PFKFB2: variants seen among roughly 807,000 people sequenced by gnomAD.
PFKFB2 encodes 6-phosphofructo-2-kinase/fructose-2,6-bisphosphatase 2.
PFKFB2 carries 53 observed loss-of-function variants against 68.0 expected under a neutral mutation model. That is an observed-to-expected ratio of 0.78 (90% CI 0.63 to 0.98). The LOEUF (loss-of-function observed/expected upper bound fraction) is 0.98, where lower values mean the gene tolerates loss of function less well. PFKFB2 is among the 50% of genes least tolerant of loss of function. PFKFB2 has a pLI of 0.00. For synonymous variants in PFKFB2, 222 were observed against 227.6 expected, an observed-to-expected ratio of 0.98 and a Z score of 0.22; for missense variants, 451 against 642.0, an observed-to-expected ratio of 0.70 and a Z score of 3.22.
Position 207,072,325 on chromosome 1 carries a change from C to T in PFKFB2, c.1472C>T (p.Pro491Leu). The T allele has an allele frequency of 6.2e-7, 1 of 1,614,160 alleles. No individual in the cohort carries two copies. The highest frequency in any genetic ancestry group is 8.5e-7 in the Non-Finnish European group (1 of 1,180,020). ...NYSVGSRPLK[P>L]LSPLRAQDMQ... ...AGTGTTGGGAGCCGGCCCCTCAAGC[C>T]CCTCAGCCCTCTCCGTGCCCAGGAC... Residue 491 changes from proline (P) to leucine (L), a missense_variant, in exon 15 of 15, where the codon CCC becomes CTC. Transcript: ENST00000367080.
At chr1:207,056,278 G>A (rs1415924684) in intron 2 of PFKFB2, among the ~76,000 whole-genome samples, 1 of 151,700 alleles carries the variant, frequency 6.6e-6, no homozygotes, top group Non-Finnish European at 1.5e-5. Context: ...TGCTGTATTG[G>A]AAGCTCACTA....
intron 1 of PFKFB2, among the ~76,000 whole-genome samples, chr1:207,036,873 A>T (rs993569500): frequency 1.3e-5 from 2 of 152,224 alleles, no homozygotes; most frequent in Non-Finnish European, 2.9e-5. Context: ...GTTACCACAC[A>T]TCCAACTGCT....
chr1:207,052,322 G>T (rs543475079), upstream of PFKFB2: 45 of 1,184,426 alleles, frequency 3.8e-5, no homozygotes, highest in East Asian at 1.1e-3. Context: ...GGATGATACA[G>T]CCTGGGTTAG....
intron 1 of PFKFB2, among the ~76,000 whole-genome samples, chr1:207,040,960 G>C (rs567131189): frequency 7.9e-6 from 1 of 127,076 alleles, no homozygotes; most frequent in Admixed American, 9.4e-5. Context: ...CAAGAGTCTC[G>C]CTCTGTCGCC....
chr1:207,041,047 A>G (rs928655571), intron 1 of PFKFB2, among the ~76,000 whole-genome samples: 20 of 150,238 alleles, frequency 1.3e-4, no homozygotes, highest in Non-Finnish European at 2.2e-4. Flanking sequence ...TCCTGCCTCA[A>G]CCTCCCAAGT....
At position 207,070,209 on chromosome 1, in the gene PFKFB2, A is replaced by G. The variant is rs991307770; in HGVS notation, c.1093-71A>G. ...AAGAAGAAGTGGCCCTTAGTCTCCA[A>G]GGTCCAGCCACTGACTTGGCTGCCA... On this transcript the variant is annotated intron_variant, in intron 11 of 14. Coordinates refer to ENST00000367080, the MANE Select transcript of PFKFB2 (RefSeq NM_006212.2). This position sits in a 1 kb window ranked among gnomAD's most constrained non-coding sequence, Gnocchi z 4.2. 1 of 1,588,424 alleles carries G rather than the reference A, an allele frequency of 6.3e-7. No homozygotes were observed. The highest frequency in any genetic ancestry group is 8.6e-7 in the Non-Finnish European group (1 of 1,165,784).
At chr1:207,061,131 T>TTATATATATC (rs1683089146) in intron 2 of PFKFB2, among the ~76,000 whole-genome samples, 2 of 113,810 alleles carry the variant, frequency 1.8e-5, no homozygotes, top group African/African-American at 3.4e-5. Context: ...ATATATATCT[T>TTATATATATC]TATATATATC....
At chr1:207,050,062 G>A (rs867229299), upstream of PFKFB2, among the ~76,000 whole-genome samples, 30 of 152,234 alleles carry the variant, frequency 2.0e-4, no homozygotes, top group Middle Eastern at 3.4e-3. Flanking sequence ...AGAGTAGGCC[G>A]CTAGGGGGTT....
intron 2 of PFKFB2, among the ~76,000 whole-genome samples, chr1:207,058,981 T>A (rs867298085): frequency 3.9e-5 from 6 of 152,344 alleles, no homozygotes; most frequent in Middle Eastern, 3.4e-3. Context: ...TGGTTTTGTT[T>A]TTTAACAGGC....
chr1:207,065,086 G>A lies in PFKFB2; in HGVS notation c.558G>A (p.Val186=), dbSNP rs1480818846. The A allele has an allele frequency of 6.2e-7, 1 of 1,614,010 alleles. No individual in the cohort carries two copies. The highest frequency in any genetic ancestry group is 8.5e-7 in the Non-Finnish European group (1 of 1,180,012). ...ATCCTGAAAGGAACAGAGAGAACGT[G>A]ATGGAGGACTTCCTGAAGAGAATTG... The part of the protein sequence containing the change: ...PDYPERNREN[V]MEDFLKRIEC... Residue 186 remains valine, a synonymous_variant, in exon 8 of 15, where the codon GTG becomes GTA. Coordinates refer to ENST00000367080, the MANE Select transcript of PFKFB2 (RefSeq NM_006212.2).
At chr1:207,051,082 T>C (rs1228028644), upstream of PFKFB2, 6 of 1,458,586 alleles carry the variant, frequency 4.1e-6, no homozygotes, top group Non-Finnish European at 5.4e-6. Context: ...GTGCGGCTTC[T>C]GCCTTAGTAC....
rs935612149 is a variant in PFKFB2, at chr1:207,073,755, G to A, written c.*1384G>A. On this transcript the variant is annotated 3_prime_UTR_variant, in exon 15 of 15. Transcript: ENST00000367080. ...GGTTAAACAGAAAATGTTTAGGGAA[G>A]AAATTCTTAGCCCCTTGATGACCAT... 105 of 984,644 alleles carry A rather than the reference G, an allele frequency of 1.1e-4. No homozygotes were observed. Among genetic ancestry groups the A allele is most frequent in the Non-Finnish European group, 1.3e-4 (104 of 829,340 alleles). 61.0% of individuals were successfully genotyped at this position (984,644 alleles called of 1,614,324 possible).
At chr1:207,049,851 A>G, upstream of PFKFB2, 1 of 799,384 alleles carries the variant, frequency 1.3e-6, no homozygotes, top group Non-Finnish European at 1.9e-6. Context: ...AGGAGAATAC[A>G]GTTTTGCAAG....
upstream of PFKFB2, chr1:207,050,947 C>T: frequency 7.6e-6 from 12 of 1,574,806 alleles, no homozygotes; most frequent in Non-Finnish European, 1.0e-5. Flanking sequence ...CAGCTTTGGT[C>T]CCGGCAGCCT....
rs1683547886 is a variant in PFKFB2 at position 207,073,969 on chromosome 1, AT to A, written c.*1601del. The A allele has an allele frequency of 5.1e-6, 5 of 985,318 alleles. No homozygotes were observed. Among genetic ancestry groups the A allele is most frequent in the Non-Finnish European group, 6.0e-6 (5 of 829,828 alleles). 61.0% of individuals were successfully genotyped at this position (985,318 alleles called of 1,614,324 possible). A position where few individuals can be genotyped will look rare whatever the true frequency, so the allele number is the denominator to read the frequency against. On this transcript the variant is annotated 3_prime_UTR_variant, in exon 15 of 15. Transcript: ENST00000367080. ...TTAGCTATTTTCCAAGGGTGTTTTCATTTGGTAATGGAAGACTTTTTGCTGT... is the reference window on the plus strand; with the variant it reads ...TTAGCTATTTTCCAAGGGTGTTTTCATTGGTAATGGAAGACTTTTTGCTGT...
chr1:207,078,966 A>T (rs753447164), downstream of PFKFB2: 3 of 1,612,484 alleles, frequency 1.9e-6, no homozygotes, highest in Admixed American at 5.0e-5. Flanking sequence ...AGCAGAGACC[A>T]CACTGGCTGT....
downstream of PFKFB2, chr1:207,077,899 C>T: frequency 3.3e-6 from 2 of 613,150 alleles, no homozygotes; most frequent in Non-Finnish European, 4.1e-6. Flanking sequence ...TTGCCTCATG[C>T]TGCACAAGGA....
At chr1:207,041,912 G>A (rs1377429970) in intron 1 of PFKFB2, among the ~76,000 whole-genome samples, 1 of 152,194 alleles carries the variant, frequency 6.6e-6, no homozygotes, top group Non-Finnish European at 1.5e-5. Flanking sequence ...ATTTTAAGAT[G>A]ATAGGGACCT....
At chr1:207,040,074 T>C (rs748324369) in intron 1 of PFKFB2, among the ~76,000 whole-genome samples, 4 of 152,216 alleles carry the variant, frequency 2.6e-5, no homozygotes, top group Non-Finnish European at 5.9e-5. Context: ...GCATGACCTC[T>C]TCCAGCACTG....
Sources: allele counts gnomAD v4.1 joint callset (sites outside exome capture counted in the v4.1 genomes callset), GRCh38; gene constraint gnomAD v4.1.1; non-coding constraint Gnocchi (gnomAD v3.1); transcripts MANE v1.5; gene names NCBI Gene and HGNC (gene_info 2026-07-23, HGNC 2026-07-21).